Variants in PLB1 observed in about 807,000 individuals in gnomAD.
PLB1 encodes the protein phospholipase B1, also known as phospholipase B1, membrane-associated.
In PLB1, 242 loss-of-function variants were observed where a neutral mutation model predicts 227.4. The ratio of observed to expected loss-of-function variants is 1.06; its 90% CI spans 0.96 to 1.18. The LOEUF is 1.18. Among genes scored for constraint, PLB1 ranks in the 50% most tolerant of loss-of-function variants. PLB1 has a pLI of 0.00. For synonymous variants in PLB1, 757 were observed against 682.2 expected (o/e 1.11, Z -1.71); for missense variants, 1,858 against 1,816.3 (o/e 1.02, Z -0.42).
rs906812858 is a variant in PLB1, at chr2:28,541,870, C to A, written c.879+59C>A. The A allele has an allele frequency of 2.5e-5, 35 of 1,376,434 alleles. No individual in the cohort carries two copies. The Middle Eastern group carries it at 5.4e-4, about 21-fold the overall frequency. The allele number at this position is 1,376,434 out of a possible 1,614,324, so 85.3% of individuals were successfully genotyped here. On this transcript the variant is annotated intron_variant, in intron 13 of 57. Coordinates refer to ENST00000327757, the MANE Select transcript of PLB1 (RefSeq NM_153021.5). ...GGTGGGGGCCGGGCATGGTGGCTCA[C>A]TCCTGTAATCCCAGCACTTTGGGAG...
At chr2:28,619,171 T>C (rs551538067) in intron 46 of PLB1, among the ~76,000 whole-genome samples, 2 of 152,338 alleles carry the variant, frequency 1.3e-5, no homozygotes, top group African/African-American at 2.4e-5. Context: ...CTATGAGTTA[T>C]GTTTCCTGAT....
intron 23 of PLB1, among the ~76,000 whole-genome samples, chr2:28,581,180 G>C (rs182209991): frequency 6.6e-6 from 1 of 151,956 alleles, no homozygotes; most frequent in African/African-American, 2.4e-5. Context: ...TCGAGATCAG[G>C]AGAAACAGTT....
chr2:28,519,872 T>G, intron 4 of PLB1, 109 bp downstream of exon 4: 1 of 663,422 alleles, frequency 1.5e-6, no homozygotes, highest in Admixed American at 2.4e-5. Flanking sequence ...GAGAACATCA[T>G]GTGAACTAGA....
chr2:28,643,155 T>C lies in PLB1; in HGVS notation c.*94T>C. 1.6e-6 allele frequency: 2 copies of C among 1,252,836 alleles called. No homozygotes were observed. The highest frequency in any genetic ancestry group is 2.2e-6 in the Non-Finnish European group (2 of 921,632). 77.6% of individuals were successfully genotyped at this position (1,252,836 alleles called of 1,614,324 possible). ...TCCCGGCCACCAGGACATGCTTCAA[T>C]GCCTGGTGCCATAGGAAGCCCAGGG... is the stretch of plus-strand genomic sequence containing the variant. On this transcript the variant is annotated 3_prime_UTR_variant, in exon 58 of 58. Transcript: ENST00000327757.
At position 28,614,251 on chromosome 2, in the gene PLB1, G is replaced by A. The variant is rs1456644596; in HGVS notation, c.3195+155G>A. Among the ~76,000 whole-genome samples, 4 of 152,080 alleles carry A rather than the reference G, an allele frequency of 2.6e-5. No individual in the cohort carries two copies. The East Asian group carries it at 5.8e-4, about 22-fold the overall frequency. ...TGTACAGAAAAGGCTCCCGGACCAC[G>A]AAGCCCCAGGATTGTCCTAACATGT... On this transcript the variant is annotated intron_variant, in intron 44 of 57. Transcript: ENST00000327757.
intron 9 of PLB1, among the ~76,000 whole-genome samples, chr2:28,536,660 G>A (rs1671721512): frequency 6.6e-6 from 1 of 152,146 alleles, no homozygotes; most frequent in African/African-American, 2.4e-5. Context: ...TCCAAACCAG[G>A]GGGCAAACGA....
chr2:28,498,678 TTCTA>T (rs1558618568), intron 1 of PLB1, among the ~76,000 whole-genome samples: 1 of 152,260 alleles, frequency 6.6e-6, no homozygotes, highest in Non-Finnish European at 1.5e-5. Flanking sequence ...TCATGCATGT[TTCTA>T]TCTGTGTCAG....
In PLB1 at chr2:28,565,292, G is replaced by T; in HGVS notation, c.1219G>T (p.Ala407Ser). 6.2e-7 allele frequency: 1 copy of T among 1,611,834 alleles called. No individual in the cohort carries two copies. Among genetic ancestry groups the T allele is most frequent in the Non-Finnish European group, 8.5e-7 (1 of 1,179,172 alleles). ...LGDSLTAGNG[A>S]GSTPGNVLDV... ...TGTTCCCTCTCAGGCAGGCAATGGGGCCGGGTCCACACCTGGGAACGTCTT... is the reference window on the plus strand; with the variant it reads ...TGTTCCCTCTCAGGCAGGCAATGGGTCCGGGTCCACACCTGGGAACGTCTT... The change falls in exon 19 of 58, where the codon GCC (alanine) becomes TCC (serine). Residue 407 changes from alanine to serine, a missense_variant. Coordinates refer to ENST00000327757, the MANE Select transcript of PLB1 (RefSeq NM_153021.5).
intron 33 of PLB1, chr2:28,594,237 A>C (rs1682519446): frequency 3.4e-6 from 1 of 296,360 alleles, no homozygotes; most frequent in Admixed American, 4.3e-5. Context: ...ACCAAGACAC[A>C]ATCACAATCA....
chr2:28,563,068 A>C lies in PLB1; in HGVS notation c.1175A>C (p.Asn392Thr). 1 of 1,613,886 alleles carries C rather than the reference A, an allele frequency of 6.2e-7. No homozygotes were observed. The highest frequency in any genetic ancestry group is 2.2e-5 in the East Asian group (1 of 44,874). ...CATAGGCTGAAGCCGGCTGACATCAACGTAATTGGAGCCCTGGGTGACTCT... is the reference window on the plus strand; with the variant it reads ...CATAGGCTGAAGCCGGCTGACATCACCGTAATTGGAGCCCTGGGTGACTCT... ...SVHRLKPADI[N>T]VIGALGDSLT... Residue 392 changes from asparagine (N) to threonine (T), a missense_variant, in exon 18 of 58, where the codon AAC becomes ACC. Physicochemically the swap from Asn to Thr is moderately conservative, Grantham distance 65 (BLOSUM62 0). Coordinates refer to ENST00000327757, the MANE Select transcript of PLB1 (RefSeq NM_153021.5).
chr2:28,582,538 G>T (rs1680208261), intron 25 of PLB1, 33 bp downstream of exon 25: 25 of 1,523,940 alleles, frequency 1.6e-5, no homozygotes, highest in Non-Finnish European at 2.2e-5. Context: ...ATTCTACTAA[G>T]AATCCTCACT....
chr2:28,584,042 G>A (rs1680505162), intron 25 of PLB1, among the ~76,000 whole-genome samples: 1 of 152,046 alleles, frequency 6.6e-6, no homozygotes, highest in South Asian at 2.1e-4. Context: ...CTGAGACTGT[G>A]CTCCCCTACC....
rs767894815 is a variant in PLB1, at chr2:28,573,244, A to G, written c.1372A>G (p.Thr458Ala). Residue 458 changes from threonine to alanine, a missense_variant, in exon 21 of 58, where the codon ACT (threonine) becomes GCT (alanine). Coordinates refer to ENST00000327757, the MANE Select transcript of PLB1 (RefSeq NM_153021.5). ...TTCCCTGAAGGGCTTCTCTGTTGGCACTGGGAAAGAAACCAGTCCTAATGC... is the reference window on the plus strand; with the variant it reads ...TTCCCTGAAGGGCTTCTCTGTTGGCGCTGGGAAAGAAACCAGTCCTAATGC... The part of the protein sequence containing the change: ...NPSLKGFSVG[T>A]GKETSPNAFL... The G allele has an allele frequency of 1.9e-6, 3 of 1,614,106 alleles. No individual in the cohort carries two copies. Among genetic ancestry groups the G allele is most frequent in the Non-Finnish European group, 2.5e-6 (3 of 1,180,012 alleles).
At chr2:28,602,789 A>G in intron 38 of PLB1, 32 bp from the exon 39 acceptor site, 3 of 1,582,936 alleles carry the variant, frequency 1.9e-6, no homozygotes, top group Non-Finnish European at 2.6e-6. Context: ...AAGTGCCTGG[A>G]GCCCCCCTCT....
rs1480720713 is a variant in PLB1 at position 28,598,066 on chromosome 2, G to C, written c.2365+18G>C. On this transcript the variant is annotated intron_variant, in intron 34 of 57. Transcript: ENST00000327757. ...CTTACCTAGTAAGTAACCATCAGGG[G>C]CTTGAATCTGTCTACTGTTCCACCC... 1.2e-6 allele frequency: 2 copies of C among 1,606,132 alleles called. No individual in the cohort carries two copies. Among genetic ancestry groups the C allele is most frequent in the Admixed American group, 3.4e-5 (2 of 59,492 alleles).
intron 43 of PLB1, 79 bp from the exon 44 acceptor site, chr2:28,613,952 A>C (rs1685830352): frequency 9.1e-7 from 1 of 1,097,596 alleles, no homozygotes; most frequent in Non-Finnish European, 1.4e-6. Flanking sequence ...TCTACAGGGC[A>C]GGATTGTTAG....
chr2:28,532,395 C>T (rs140832959), intron 9 of PLB1, among the ~76,000 whole-genome samples: 3 of 152,302 alleles, frequency 2.0e-5, no homozygotes, highest in Admixed American at 6.5e-5. Flanking sequence ...CTCAAAGAAA[C>T]GTACGCTTGA....
At chr2:28,597,045 T>C (rs951940604) in intron 33 of PLB1, among the ~76,000 whole-genome samples, 9 of 152,018 alleles carry the variant, frequency 5.9e-5, no homozygotes, top group Admixed American at 1.3e-4. Flanking sequence ...GGGCGAATCA[T>C]GAGGTCAGGA....
chr2:28,631,034 G>A (rs959710161), intron 54 of PLB1, among the ~76,000 whole-genome samples: 1 of 151,872 alleles, frequency 6.6e-6, no homozygotes, highest in South Asian at 2.1e-4. Flanking sequence ...CACGTCTGGT[G>A]TCCCAGCTAC....
Sources: gnomAD v4.1 joint callset for allele counts (sites outside exome capture counted in the v4.1 genomes callset) on GRCh38, gnomAD v4.1.1 for gene constraint, MANE v1.5 for transcripts, NCBI Gene and HGNC (gene_info 2026-07-23, HGNC 2026-07-21) for gene names.